The following LIPI variants were observed in gnomAD, a reference collection of about 807,000 sequenced individuals.
LIPI encodes the protein lipase member I.
Under a neutral mutation model 50.6 loss-of-function variants are expected in LIPI, and 59 were observed. The observed-to-expected ratio is 1.16, with a 90% confidence interval of 0.94 to 1.45. The LOEUF (loss-of-function observed/expected upper bound fraction) is 1.45. Among genes scored for constraint, LIPI ranks in the 40% most tolerant of loss-of-function variants. The pLI is 0.00. For synonymous variants in LIPI, 203 were observed against 178.2 expected, an observed-to-expected ratio of 1.14 and a Z score of -1.11; for missense variants, 586 against 536.3, an observed-to-expected ratio of 1.09 and a Z score of -0.92.
rs757488663 is a variant in LIPI at position 14,186,056 on chromosome 21, G to A, written c.446C>T (p.Ser149Phe). The A allele has an allele frequency of 2.5e-6, 4 of 1,582,018 alleles. No individual in the cohort carries two copies. Among genetic ancestry groups the A allele is most frequent in the Non-Finnish European group, 2.6e-6 (3 of 1,151,028 alleles). The change falls in exon 3 of 10, where the codon TCT (serine) becomes TTT (phenylalanine). Residue 149 changes from serine to phenylalanine, a missense_variant. Coordinates refer to ENST00000681601, the MANE Select transcript of LIPI (RefSeq NM_001302998.2). ...ACCTATGAAATGAAAATTGTCAAGA[G>A]ATGCACCATGCTTCTGCAATTAAAG... ...HIKNLLKHGASLDNFHFIGVS... is the reference protein window; with the variant it reads ...HIKNLLKHGAFLDNFHFIGVS...
At chr21:14,171,819 G>T (rs1348363688) in intron 4 of LIPI, among the ~76,000 whole-genome samples, 1 of 151,404 alleles carries the variant, frequency 6.6e-6, no homozygotes, top group Non-Finnish European at 1.5e-5. Context: ...AGGACTTCAT[G>T]TCTAAAACAC....
chr21:14,141,029 C>T (rs1346993274), intron 9 of LIPI, among the ~76,000 whole-genome samples: 1 of 152,124 alleles, frequency 6.6e-6, no homozygotes, highest in Non-Finnish European at 1.5e-5. Flanking sequence ...TTGCAGAATT[C>T]TCTTCATCAT....
At chr21:14,160,348 G>A (rs1437509853) in intron 7 of LIPI, among the ~76,000 whole-genome samples, 1 of 150,982 alleles carries the variant, frequency 6.6e-6, no homozygotes, top group African/African-American at 2.4e-5. Flanking sequence ...ACAAACATAT[G>A]TCAATAAACA....
intron 7 of LIPI, among the ~76,000 whole-genome samples, chr21:14,161,622 A>ACATATATT (rs1568858276): frequency 5.2e-5 from 5 of 95,562 alleles, no homozygotes; most frequent in East Asian, 3.3e-4. Flanking sequence ...ATACATATAT[A>ACATATATT]ATATATTAAT....
intron 1 of LIPI, among the ~76,000 whole-genome samples, chr21:14,190,494 C>T (rs2019634236): frequency 6.6e-6 from 1 of 151,972 alleles, no homozygotes; most frequent in African/African-American, 2.4e-5. Flanking sequence ...AAGAATCTAT[C>T]CCAGAAAAAC....
intron 7 of LIPI, among the ~76,000 whole-genome samples, chr21:14,160,737 G>C (rs1353667936): frequency 6.6e-6 from 1 of 151,064 alleles, no homozygotes; most frequent in Non-Finnish European, 1.5e-5. Flanking sequence ...AATATTTGTA[G>C]ATCAAATATT....
chr21:14,148,780 AGC>A (rs1286040001), intron 8 of LIPI, among the ~76,000 whole-genome samples: 2 of 152,246 alleles, frequency 1.3e-5, no homozygotes, highest in African/African-American at 2.4e-5. Flanking sequence ...TGACTGTATT[AGC>A]AAATAATTAT....
At chr21:14,109,268 A>G (rs970757447) in intron 9 of LIPI, among the ~76,000 whole-genome samples, 188 bp from the exon 10 acceptor site, 1 of 152,134 alleles carries the variant, frequency 6.6e-6, no homozygotes, top group African/African-American at 2.4e-5. Context: ...GGGATGAAAT[A>G]GACATAATGC....
chr21:14,200,885 C>T (rs2020029500), intron 1 of LIPI, among the ~76,000 whole-genome samples: 1 of 152,098 alleles, frequency 6.6e-6, no homozygotes, highest in South Asian at 2.1e-4. Flanking sequence ...GCTACAATAA[C>T]CAAAACAGCA....
chr21:14,185,601 G>A (rs2019424238), intron 3 of LIPI, among the ~76,000 whole-genome samples: 1 of 152,194 alleles, frequency 6.6e-6, no homozygotes, highest in Admixed American at 6.5e-5. Context: ...AAAGTGGCTG[G>A]CCACAGTGGC....
chr21:14,140,766 T>TGA (rs2017677095), intron 9 of LIPI, among the ~76,000 whole-genome samples: 1 of 152,174 alleles, frequency 6.6e-6, no homozygotes, highest in Non-Finnish European at 1.5e-5. Flanking sequence ...TTCCATTATA[T>TGA]TCTTCCTCAA....
chr21:14,195,241 G>C (rs575872662), intron 1 of LIPI, among the ~76,000 whole-genome samples: 3 of 152,250 alleles, frequency 2.0e-5, no homozygotes, highest in African/African-American at 4.8e-5. Context: ...TCTGGATGTT[G>C]CTGGATCCAT....
Position 14,152,686 on chromosome 21 carries a change from T to C in LIPI, c.1007-2A>G, listed in dbSNP as rs1337342337. The C allele has an allele frequency of 7.2e-7, 1 of 1,397,350 alleles. No homozygotes were observed. Among genetic ancestry groups the C allele is most frequent in the Non-Finnish European group, 1.0e-6 (1 of 989,100 alleles). The allele number at this position is 1,397,350 out of a possible 1,614,324, so 86.6% of individuals were successfully genotyped here. On this transcript the variant is annotated splice_acceptor_variant, in intron 7 of 9. Coordinates refer to ENST00000681601, the MANE Select transcript of LIPI (RefSeq NM_001302998.2). LOFTEE classifies it high-confidence loss of function. Reference sequence around the variant, plus strand: ...TTATACTGAGAACAAAATAATAGGCTACAAAATAAAAATATAGAATACAAC... The same window carrying C: ...TTATACTGAGAACAAAATAATAGGCCACAAAATAAAAATATAGAATACAAC...
At chr21:14,119,056 A>G (rs747947623) in intron 9 of LIPI, among the ~76,000 whole-genome samples, 1 of 152,202 alleles carries the variant, frequency 6.6e-6, no homozygotes, top group East Asian at 1.9e-4. Context: ...CTTGGTTCAC[A>G]TGCTTACACA....
rs77473556 is a variant in LIPI, at chr21:14,156,854, C to T, written c.1007-4170G>A. ...AATAAGGAACATGGCAGAGAAAATA[C>T]ACATTACAAAAAGGCTGTTGGTGAG... On this transcript the variant is annotated intron_variant, in intron 7 of 9. Coordinates refer to ENST00000681601, the MANE Select transcript of LIPI (RefSeq NM_001302998.2). Among the ~76,000 whole-genome samples the T allele has an allele frequency of 7.6e-3, 1,156 of 151,820 alleles. 7 individuals are homozygous for T. The highest frequency in any genetic ancestry group is 0.014 in the Admixed American group (209 of 15,194).
At chr21:14,153,786 T>C (rs2018182995) in intron 7 of LIPI, among the ~76,000 whole-genome samples, 2 of 152,154 alleles carry the variant, frequency 1.3e-5, no homozygotes, top group Admixed American at 6.6e-5. Context: ...AACCTCATAA[T>C]TGAAATTCCC....
At chr21:14,200,313 C>A (rs77733186) in intron 1 of LIPI, among the ~76,000 whole-genome samples, 7 of 151,916 alleles carry the variant, frequency 4.6e-5, no homozygotes, top group Non-Finnish European at 1.5e-5. Context: ...AGATGAACTA[C>A]CACTGTTTGC....
Position 14,181,853 on chromosome 21 carries a change from T to C in LIPI, c.548A>G (p.Asp183Gly), listed in dbSNP as rs2019282792. 3 of 1,595,094 alleles carry C rather than the reference T, an allele frequency of 1.9e-6. No individual in the cohort carries two copies. Among genetic ancestry groups the C allele is most frequent in the Middle Eastern group, 1.7e-4 (1 of 6,026 alleles). ...TCTGGAGAACCTTGGCCCAGCAGGG[T>C]CAAGACCTGGAAAGCAAGAAAGAAA... Reference protein sequence around the residue: ...HGQLGRITGLDPAGPRFSRKP... With the variant: ...HGQLGRITGLGPAGPRFSRKP... The change falls in exon 4 of 10, where the codon GAC becomes GGC. Residue 183 changes from aspartate (D) to glycine (G), a missense_variant. Asp to Gly is a moderately conservative substitution (Grantham distance 94). Transcript: ENST00000681601.
At chr21:14,153,221 A>T (rs1338766804) in intron 7 of LIPI, among the ~76,000 whole-genome samples, 1 of 152,168 alleles carries the variant, frequency 6.6e-6, no homozygotes, top group East Asian at 1.9e-4. Context: ...TTGCACAGGA[A>T]AGGATGCTGA....
Sources: gnomAD v4.1 joint callset for allele counts (sites outside exome capture counted in the v4.1 genomes callset) on GRCh38, gnomAD v4.1.1 for gene constraint, MANE v1.5 for transcripts, NCBI Gene and HGNC (gene_info 2026-07-23, HGNC 2026-07-21) for gene names.